MMD2: variants seen among roughly 807,000 people sequenced by gnomAD.
MMD2 encodes the protein monocyte to macrophage differentiation factor 2.
In MMD2, 30 loss-of-function variants were observed where a neutral mutation model predicts 33.5. That is an observed-to-expected ratio of 0.90 (90% confidence interval 0.67 to 1.22). The LOEUF is 1.22. Ranked by LOEUF, MMD2 falls within the 50% of genes most tolerant of loss-of-function variation. The probability of loss-of-function intolerance (pLI) is 0.00; values close to 1 mark genes in which losing one functional copy is unlikely to be tolerated. For synonymous variants in MMD2, 129 were observed against 123.0 expected (o/e 1.05, Z -0.32); for missense variants, 364 against 325.4 (o/e 1.12, Z -0.91).
chr7:4,919,332 G>A (rs1785216613), intron 3 of MMD2, among the ~76,000 whole-genome samples: 1 of 152,114 alleles, frequency 6.6e-6, no homozygotes, highest in African/African-American at 2.4e-5. Flanking sequence ...ACTTTGGGAG[G>A]CTGAAGCAGG....
In MMD2 at chr7:4,920,348, G is replaced by A. The variant is rs781087843; in HGVS notation, c.130-17C>T. On this transcript the variant is annotated splice_polypyrimidine_tract_variant and intron_variant, in intron 2 of 6. Transcript: ENST00000401401. The stretch of plus-strand genomic sequence containing the variant: ...GATCCAGAACTGGAGGGGCAGGGAC[G>A]GCAGGGACAGGTGCAGCAGCTGGGT... 9 of 1,600,432 alleles carry A rather than the reference G, an allele frequency of 5.6e-6. No homozygotes were observed. The highest frequency in any genetic ancestry group is 4.0e-5 in the African/African-American group (3 of 74,796).
At chr7:4,949,944 A>G (rs1235969190) in intron 1 of MMD2, among the ~76,000 whole-genome samples, 1 of 152,190 alleles carries the variant, frequency 6.6e-6, no homozygotes, top group Non-Finnish European at 1.5e-5. Context: ...TTAACAAATG[A>G]CCTGCCCACG....
At chr7:4,907,657 G>T in intron 6 of MMD2, 58 bp from the exon 7 acceptor site, 1 of 1,558,350 alleles carries the variant, frequency 6.4e-7, no homozygotes. Flanking sequence ...GTGGCTGAAA[G>T]CACCAGCCAG....
At chr7:4,952,689 ATT>A (rs36030563) in intron 1 of MMD2, among the ~76,000 whole-genome samples, 1,320 of 110,556 alleles carry the variant, frequency 0.012, 12 homozygotes, top group African/African-American at 0.029. Context: ...TCCGTATGAG[ATT>A]TTTTTTTTTT....
At position 4,907,572 on chromosome 7, in the gene MMD2, C is replaced by G; in HGVS notation, c.565G>C (p.Val189Leu). 6.2e-7 allele frequency: 1 copy of G among 1,612,816 alleles called. No individual in the cohort carries two copies. Among genetic ancestry groups the G allele is most frequent in the South Asian group, 1.1e-5 (1 of 91,014 alleles). The change falls in exon 7 of 7, where the codon GTG becomes CTG. Residue 189 changes from valine (V) to leucine (L), a missense_variant. By Grantham distance (32) the Val-to-Leu change is conservative. Transcript: ENST00000401401. The part of the protein sequence containing the change: ...MPNTEGIWEL[V>L]TGGVFYCLGM... ...AGGCAGTAGAAGACCCCTCCGGTCA[C>G]CAGCTCCCAGATGCCCTCGGTGTTG...
chr7:4,942,785 TG>T (rs1259149133), intron 1 of MMD2, among the ~76,000 whole-genome samples: 1 of 151,570 alleles, frequency 6.6e-6, no homozygotes. Flanking sequence ...CCGGCTTTTT[TG>T]TTTGTTTTTT....
intron 5 of MMD2, 136 bp from the exon 6 acceptor site, chr7:4,910,086 A>C: frequency 6.3e-7 from 1 of 1,584,720 alleles, no homozygotes; most frequent in Non-Finnish European, 8.6e-7. Flanking sequence ...TCTGTCCAGC[A>C]CGCCTTGGCT....
At chr7:4,896,647 G>A in the MMD2 span, among the ~76,000 whole-genome samples, 30 of 152,130 alleles carry the variant, frequency 2.0e-4, no homozygotes, top group African/African-American at 6.5e-4. Context: ...TTCCTGGCCC[G>A]TGAAAACCAC....
rs1267020688 is a variant in MMD2 at position 4,940,025 on chromosome 7, A to AG, written c.48-14494dup. On this transcript the variant is annotated intron_variant, in intron 1 of 6. Transcript: ENST00000401401. The surrounding 1 kb of genome is among the most constrained non-coding windows in gnomAD (Gnocchi z 5.0). ...CCAAAGCGCTGGCATTACAGGCGTG[A>AG]GCCACCGCACCTGGCCCAATCTATT... Among the ~76,000 whole-genome samples, 1 of 152,194 alleles carries AG rather than the reference A, an allele frequency of 6.6e-6. No homozygotes were observed. The highest frequency in any genetic ancestry group is 1.5e-5 in the Non-Finnish European group (1 of 68,042).
At chr7:4,932,824 C>G (rs1412255769) in intron 1 of MMD2, among the ~76,000 whole-genome samples, 1 of 151,866 alleles carries the variant, frequency 6.6e-6, no homozygotes, top group Non-Finnish European at 1.5e-5. Flanking sequence ...GGGGTCTCAT[C>G]ATGTTGGCCA....
chr7:4,912,838 T>C (rs1031195478), intron 4 of MMD2, among the ~76,000 whole-genome samples: 1 of 152,054 alleles, frequency 6.6e-6, no homozygotes, highest in Admixed American at 6.6e-5. Flanking sequence ...CCCGAGTAGC[T>C]GGGATTACAG....
intron 1 of MMD2, among the ~76,000 whole-genome samples, chr7:4,950,712 CTTTTT>C (rs71004603): frequency 1.5e-5 from 2 of 133,894 alleles, no homozygotes; most frequent in Non-Finnish European, 1.6e-5. Context: ...TTCTTTCCTT[CTTTTT>C]TTTTTTTTTT....
chr7:4,917,281 G>A (rs551364957), intron 3 of MMD2, among the ~76,000 whole-genome samples: 45 of 152,208 alleles, frequency 3.0e-4, no homozygotes, highest in African/African-American at 7.2e-4. Context: ...TGTAAAACAC[G>A]GAGGATGCCA....
rs1309901977 is a variant in MMD2, at chr7:4,940,692, C to G, written c.48-15160G>C. The stretch of plus-strand genomic sequence containing the variant: ...TGGGCCGGTGCCACCTGGGAATGGT[C>G]ATGAAATAAAATCCTGGGGCAGACA... On this transcript the variant is annotated intron_variant, in intron 1 of 6. Coordinates refer to ENST00000401401, the MANE Select transcript of MMD2 (RefSeq NM_198403.4). The surrounding 1 kb of genome is among the most constrained non-coding windows in gnomAD (Gnocchi z 5.0). 2.6e-5 allele frequency among the ~76,000 whole-genome samples: 4 copies of G among 152,154 alleles called. No individual in the cohort carries two copies. Among genetic ancestry groups the G allele is most frequent in the Non-Finnish European group, 5.9e-5 (4 of 68,028 alleles).
At chr7:4,910,688 G>C (rs374631003) in intron 5 of MMD2, among the ~76,000 whole-genome samples, 5 of 152,192 alleles carry the variant, frequency 3.3e-5, no homozygotes, top group African/African-American at 1.2e-4. Flanking sequence ...GAGCGCAGTG[G>C]CACGCTCTCA....
chr7:4,943,263 C>A (rs1313411407), intron 1 of MMD2, among the ~76,000 whole-genome samples: 1 of 151,844 alleles, frequency 6.6e-6, no homozygotes, highest in African/African-American at 2.4e-5. Flanking sequence ...CCTGCCTCAG[C>A]CTCCCAAAGT....
intron 3 of MMD2, among the ~76,000 whole-genome samples, chr7:4,919,694 T>A (rs1785225708): frequency 6.6e-6 from 1 of 152,152 alleles, no homozygotes; most frequent in African/African-American, 2.4e-5. Flanking sequence ...GAGACCAGCC[T>A]GGCCAACATG....
intron 3 of MMD2, among the ~76,000 whole-genome samples, chr7:4,916,515 TG>T (rs1562478856): frequency 6.6e-6 from 1 of 151,714 alleles, no homozygotes. Flanking sequence ...TCCAAGTAGC[TG>T]GGATTACAGG....
the MMD2 span, among the ~76,000 whole-genome samples, chr7:4,893,032 A>G: frequency 6.6e-6 from 1 of 152,134 alleles, no homozygotes; most frequent in African/African-American, 2.4e-5. Flanking sequence ...GCGGTTTCTA[A>G]GATAGCCACC....
Sources: allele counts gnomAD v4.1 joint callset (sites outside exome capture counted in the v4.1 genomes callset), GRCh38; gene constraint gnomAD v4.1.1; non-coding constraint Gnocchi (gnomAD v3.1); transcripts MANE v1.5; gene names NCBI Gene and HGNC (gene_info 2026-07-23, HGNC 2026-07-21).